COMMD1: variants seen among roughly 807,000 people sequenced by gnomAD.
COMMD1 encodes the protein copper metabolism domain containing 1, also known as COMM domain-containing protein 1.
Under a neutral mutation model 17.2 loss-of-function variants are expected in COMMD1, and 10 were observed. The observed-to-expected ratio is 0.58, with a 90% confidence interval of 0.36 to 0.99. COMMD1 has a LOEUF of 0.99. COMMD1 is among the 50% of genes least tolerant of loss of function. The pLI is 0.01. For missense variants in COMMD1, 270 were observed against 231.8 expected, an observed-to-expected ratio of 1.17 and a Z score of -1.07; for synonymous variants, 97 against 91.6, an observed-to-expected ratio of 1.06 and a Z score of -0.34.
intron 1 of COMMD1, among the ~76,000 whole-genome samples, chr2:61,935,158 T>C (rs1670571143): frequency 6.6e-6 from 1 of 152,216 alleles, no homozygotes; most frequent in African/African-American, 2.4e-5. Flanking sequence ...AGTCAGATTT[T>C]AGTTCCTAGT....
At chr2:61,981,109 C>A (rs375261877) in intron 1 of COMMD1, among the ~76,000 whole-genome samples, 22 of 152,114 alleles carry the variant, frequency 1.4e-4, no homozygotes, top group African/African-American at 5.3e-4. Flanking sequence ...ATTGTCTCTT[C>A]CCTTTGTTGA....
At chr2:62,058,310 G>C (rs144561564) in intron 2 of COMMD1, among the ~76,000 whole-genome samples, 272 of 152,294 alleles carry the variant, frequency 1.8e-3, no homozygotes, top group African/African-American at 5.8e-3. Context: ...GTTACTGTGA[G>C]AAGGATGTTA....
At chr2:61,913,336 C>T (rs1287658837) in intron 1 of COMMD1, among the ~76,000 whole-genome samples, 2 of 133,476 alleles carry the variant, frequency 1.5e-5, no homozygotes, top group Non-Finnish European at 3.1e-5. Flanking sequence ...CACTGCACTC[C>T]AGCCTGGGCA....
At chr2:61,898,184 A>G (rs943618702) in intron 1 of COMMD1, among the ~76,000 whole-genome samples, 23 of 152,182 alleles carry the variant, frequency 1.5e-4, no homozygotes, top group African/African-American at 5.6e-4. Flanking sequence ...GCTCTCAACT[A>G]ATACCTGTTG....
intron 1 of COMMD1, among the ~76,000 whole-genome samples, chr2:61,961,382 G>A (rs1671340602): frequency 6.6e-6 from 1 of 152,178 alleles, no homozygotes; most frequent in South Asian, 2.1e-4. Context: ...GAAAGAAAAG[G>A]AAGATGCCCA....
chr2:61,979,206 A>G (rs1671887885), intron 1 of COMMD1, among the ~76,000 whole-genome samples: 2 of 152,026 alleles, frequency 1.3e-5, no homozygotes, highest in Admixed American at 6.6e-5. Context: ...CAAGTAAGTG[A>G]GAATAGGCCA....
chr2:61,901,425 C>G (rs1288590763), upstream of COMMD1, among the ~76,000 whole-genome samples: 5 of 151,742 alleles, frequency 3.3e-5, no homozygotes, highest in African/African-American at 1.2e-4. Flanking sequence ...GAGTTCAAGA[C>G]CAGCCTGGCC....
chr2:62,122,617 G>T (rs1038291450), intron 2 of COMMD1, among the ~76,000 whole-genome samples: 1 of 152,156 alleles, frequency 6.6e-6, no homozygotes, highest in African/African-American at 2.4e-5. Flanking sequence ...TCCAACCAAA[G>T]AACCACTCAT....
intron 1 of COMMD1, among the ~76,000 whole-genome samples, chr2:61,908,571 T>C (rs189253995): frequency 8.6e-5 from 13 of 151,040 alleles, no homozygotes; most frequent in Non-Finnish European, 4.4e-5. Flanking sequence ...TCTCTAATTA[T>C]TATTTTTTGA....
chr2:62,068,127 C>T (rs1671104676), intron 2 of COMMD1, among the ~76,000 whole-genome samples: 1 of 152,106 alleles, frequency 6.6e-6, no homozygotes, highest in South Asian at 2.1e-4. Flanking sequence ...TATATAGAGT[C>T]CAGAGCTAGA....
chr2:61,889,351 T>A (rs1244751892), intron 1 of COMMD1, among the ~76,000 whole-genome samples: 3 of 150,810 alleles, frequency 2.0e-5, no homozygotes, highest in African/African-American at 7.3e-5. Context: ...GGACGACAGG[T>A]GCCCGCCACC....
chr2:62,120,845 C>T (rs1458581279), intron 2 of COMMD1, among the ~76,000 whole-genome samples: 6 of 152,162 alleles, frequency 3.9e-5, no homozygotes, highest in Non-Finnish European at 2.9e-5. Flanking sequence ...GCCTCAGCCT[C>T]CCAAGTAGCT....
chr2:61,968,437 C>T (rs146517145), intron 1 of COMMD1, among the ~76,000 whole-genome samples: 2 of 152,104 alleles, frequency 1.3e-5, no homozygotes, highest in Non-Finnish European at 2.9e-5. Context: ...TAAAACCATA[C>T]TATAATTAAT....
chr2:61,991,604 G>A (rs1209141399), intron 1 of COMMD1, among the ~76,000 whole-genome samples: 2 of 152,166 alleles, frequency 1.3e-5, no homozygotes, highest in Non-Finnish European at 2.9e-5. Context: ...AGGAGAGGAG[G>A]AGTATTGGGG....
At chr2:62,135,124 C>A (rs1433651377) in intron 2 of COMMD1, among the ~76,000 whole-genome samples, 1 of 152,110 alleles carries the variant, frequency 6.6e-6, no homozygotes, top group African/African-American at 2.4e-5. Flanking sequence ...GCTGAGAGTT[C>A]CCACAGTCTG....
At chr2:61,891,885 G>A (rs1489242894) in intron 1 of COMMD1, among the ~76,000 whole-genome samples, 1 of 151,482 alleles carries the variant, frequency 6.6e-6, no homozygotes, top group Non-Finnish European at 1.5e-5. Flanking sequence ...AGGCTGGAGT[G>A]CAGTGGCACA....
At chr2:62,058,737 CAA>C (rs549048404) in intron 2 of COMMD1, among the ~76,000 whole-genome samples, 1 of 144,280 alleles carries the variant, frequency 6.9e-6, no homozygotes, top group Non-Finnish European at 1.5e-5. Context: ...AACCCTGTCT[CAA>C]AAAAAAAAGG....
chr2:62,018,839 A>C (rs981388446), intron 2 of COMMD1, among the ~76,000 whole-genome samples: 1 of 152,190 alleles, frequency 6.6e-6, no homozygotes, highest in African/African-American at 2.4e-5. Flanking sequence ...TTAATTTCTC[A>C]TAGTTCTGTA....
intron 1 of COMMD1, among the ~76,000 whole-genome samples, chr2:61,923,147 A>G (rs982225940): frequency 6.6e-6 from 1 of 152,184 alleles, no homozygotes; most frequent in Non-Finnish European, 1.5e-5. Context: ...AAAAACAGAA[A>G]CTGCTACTTT....
Sources: gnomAD v4.1 joint callset for allele counts (sites outside exome capture counted in the v4.1 genomes callset) on GRCh38, gnomAD v4.1.1 for gene constraint, MANE v1.5 for transcripts, NCBI Gene and HGNC (gene_info 2026-07-23, HGNC 2026-07-21) for gene names.